The following USP34 variants were observed in gnomAD, a reference collection of about 807,000 sequenced individuals.
USP34 encodes the protein ubiquitin specific peptidase 34.
In USP34, 70 loss-of-function variants were observed where a neutral mutation model predicts 460.3. The observed-to-expected ratio is 0.15, with a 90% CI of 0.13 to 0.19. The LOEUF is 0.19. Among genes scored for constraint, USP34 ranks in the 10% least tolerant of loss-of-function variants. The pLI is 1.00. For missense variants in USP34, 3,985 were observed against 4,236.2 expected, an observed-to-expected ratio of 0.94 and a Z score of 1.65; for synonymous variants, 1,647 against 1,405.3, an observed-to-expected ratio of 1.17 and a Z score of -3.85.
chr2:61,208,768 C>T (rs1687190393), intron 70 of USP34, 131 bp downstream of exon 70: 2 of 466,012 alleles, frequency 4.3e-6, no homozygotes, highest in Non-Finnish European at 7.3e-6. Flanking sequence ...TTCAGGTTTA[C>T]TGATCTATAT....
At chr2:61,329,436 G>C (rs1205261012) in intron 20 of USP34, among the ~76,000 whole-genome samples, 1 of 152,106 alleles carries the variant, frequency 6.6e-6, no homozygotes, top group Admixed American at 6.6e-5. Context: ...TGGAATAACA[G>C]TTAGAATTTT....
At chr2:61,204,045 A>C (rs1211159250) in intron 74 of USP34, among the ~76,000 whole-genome samples, 1 of 151,950 alleles carries the variant, frequency 6.6e-6, no homozygotes, top group Non-Finnish European at 1.5e-5. Context: ...TTGAGGGGGA[A>C]AAAAAACTTA....
Position 61,350,399 on chromosome 2 carries a change from A to AG in USP34, c.1378-11dup. On this transcript the variant is annotated splice_polypyrimidine_tract_variant and intron_variant, in intron 11 of 79. Coordinates refer to ENST00000398571, the MANE Select transcript of USP34 (RefSeq NM_014709.4). ...ATGCCAAGTACAGTGTCTAAAAAAA[A>AG]GAGGGAGAGATTTCAGTTTGAGAAT... 6.3e-7 allele frequency: 1 copy of AG among 1,598,006 alleles called. No homozygotes were observed. Among genetic ancestry groups the AG allele is most frequent in the Non-Finnish European group, 8.5e-7 (1 of 1,174,070 alleles).
chr2:61,204,567 A>G lies in USP34; in HGVS notation c.9189T>C (p.His3063=). The G allele has an allele frequency of 6.2e-7, 1 of 1,614,074 alleles. No individual in the cohort carries two copies. The highest frequency in any genetic ancestry group is 1.3e-5 in the African/African-American group (1 of 75,052). Residue 3063 remains histidine, a synonymous_variant, in exon 73 of 80, where the codon CAT becomes CAC. Coordinates refer to ENST00000398571, the MANE Select transcript of USP34 (RefSeq NM_014709.4). ...AGGGAACCAGAGTATGAAGAAAATC[A>G]TGGGGACTCAAAAGTACAAGTTCCT... ...VLKELVLLSP[H]DFLHTLVPFL... is the part of the protein sequence containing the mutation.
At chr2:61,312,029 A>T in intron 25 of USP34, 119 bp from the exon 26 acceptor site, 1 of 1,253,300 alleles carries the variant, frequency 8.0e-7, no homozygotes, top group Non-Finnish European at 1.1e-6. Flanking sequence ...AGTTCATTCC[A>T]ATGTATTCTA....
At chr2:61,256,819 A>C in intron 47 of USP34, 54 bp downstream of exon 47, 1 of 1,369,966 alleles carries the variant, frequency 7.3e-7, no homozygotes, top group South Asian at 1.4e-5. Context: ...CAAACCCGCT[A>C]TACACAAATA....
intron 3 of USP34, among the ~76,000 whole-genome samples, chr2:61,400,379 G>A (rs1030143680): frequency 2.0e-5 from 3 of 152,202 alleles, no homozygotes; most frequent in African/African-American, 7.2e-5. Flanking sequence ...AAAGTGCTGG[G>A]ATTACAGGTG....
chr2:61,407,304 G>A (rs1693903634), intron 2 of USP34, among the ~76,000 whole-genome samples: 1 of 148,736 alleles, frequency 6.7e-6, no homozygotes, highest in African/African-American at 2.5e-5. Context: ...GAGCCCAGGA[G>A]GCTGAGACAG....
chr2:61,228,551 A>C, intron 61 of USP34, 94 bp downstream of exon 61: 13 of 1,049,334 alleles, frequency 1.2e-5, no homozygotes, highest in Non-Finnish European at 1.8e-5. Flanking sequence ...TCCAGAAGGG[A>C]CTTTAAAGGG....
intron 21 of USP34, among the ~76,000 whole-genome samples, chr2:61,322,241 A>G (rs1371093078): frequency 6.6e-6 from 1 of 152,156 alleles, no homozygotes; most frequent in African/African-American, 2.4e-5. Flanking sequence ...AAAACAAAAC[A>G]AAGACAAAGA....
intron 1 of USP34, among the ~76,000 whole-genome samples, chr2:61,458,690 C>T (rs1201864226): frequency 7.6e-6 from 1 of 132,310 alleles, no homozygotes; most frequent in Non-Finnish European, 1.6e-5. Flanking sequence ...CATGCAGAGC[C>T]TTCACAAGTC....
At chr2:61,356,180 A>T (rs988730252) in intron 10 of USP34, among the ~76,000 whole-genome samples, 26 of 59,724 alleles carry the variant, frequency 4.4e-4, no homozygotes, top group Non-Finnish European at 6.6e-4. Context: ...GAATGAATTT[A>T]AAAAAAAAAA....
chr2:61,351,590 T>C (rs1168789267), intron 10 of USP34, among the ~76,000 whole-genome samples: 2 of 152,108 alleles, frequency 1.3e-5, no homozygotes, highest in South Asian at 2.1e-4. Flanking sequence ...TTTTAATACA[T>C]AAAAAAATCT....
At chr2:61,289,689 G>A (rs903664049) in intron 33 of USP34, among the ~76,000 whole-genome samples, 1 of 151,898 alleles carries the variant, frequency 6.6e-6, no homozygotes, top group Non-Finnish European at 1.5e-5. Context: ...AGATAATTCA[G>A]AGAGAAAAAA....
intron 63 of USP34, 34 bp from the exon 64 acceptor site, chr2:61,223,198 GTTA>G (rs752881056): frequency 6.2e-7 from 1 of 1,612,454 alleles, no homozygotes; most frequent in East Asian, 2.2e-5. Flanking sequence ...TTTAAGAACC[GTTA>G]TTATTTTTGT....
At chr2:61,303,614 T>G in intron 27 of USP34, among the ~76,000 whole-genome samples, 1 of 152,004 alleles carries the variant, frequency 6.6e-6, no homozygotes, top group East Asian at 1.9e-4. Context: ...TTTTTTTTTT[T>G]GAGACAGAGT....
At chr2:61,429,880 G>A (rs996576471) in intron 1 of USP34, among the ~76,000 whole-genome samples, 2 of 151,836 alleles carry the variant, frequency 1.3e-5, no homozygotes, top group African/African-American at 4.8e-5. Context: ...TGGCCAACAT[G>A]GTGACACCCT....
chr2:61,266,277 A>T, intron 41 of USP34, 110 bp from the exon 42 acceptor site: 2 of 1,040,836 alleles, frequency 1.9e-6, no homozygotes, highest in Non-Finnish European at 2.7e-6. Flanking sequence ...TCAAAAACGT[A>T]TAGCAGCATG....
intron 2 of USP34, among the ~76,000 whole-genome samples, chr2:61,418,667 T>C (rs1239648762): frequency 6.6e-6 from 1 of 152,164 alleles, no homozygotes; most frequent in Non-Finnish European, 1.5e-5. Flanking sequence ...TAGGCCACAA[T>C]ATTTTCTGAA....
Sources: allele counts gnomAD v4.1 joint callset (sites outside exome capture counted in the v4.1 genomes callset), GRCh38; gene constraint gnomAD v4.1.1; transcripts MANE v1.5; gene names NCBI Gene and HGNC (gene_info 2026-07-23, HGNC 2026-07-21).